Variants in SYT16 observed in about 807,000 individuals in gnomAD.
The protein encoded by SYT16 is synaptotagmin-16.
SYT16 carries 42 observed loss-of-function variants against 61.4 expected under a neutral mutation model. That is an observed-to-expected ratio of 0.68 (90% CI 0.53 to 0.89). The LOEUF (loss-of-function observed/expected upper bound fraction) is 0.89, where lower values mean the gene tolerates loss of function less well. SYT16 is among the 40% of genes least tolerant of loss of function. SYT16 has a pLI of 0.00. For synonymous variants in SYT16, 314 were observed against 302.3 expected, an observed-to-expected ratio of 1.04 and a Z score of -0.40; for missense variants, 804 against 807.3, an observed-to-expected ratio of 1.00 and a Z score of 0.05.
At chr14:61,823,887 A>G (rs2045693712) in intron 1 of SYT16, among the ~76,000 whole-genome samples, 1 of 152,268 alleles carries the variant, frequency 6.6e-6, no homozygotes, top group South Asian at 2.1e-4. Flanking sequence ...AGAGTTTAAA[A>G]TATGAAGCTA....
intron 1 of SYT16, among the ~76,000 whole-genome samples, chr14:61,961,524 G>A (rs2051115527): frequency 6.6e-6 from 1 of 152,094 alleles, no homozygotes; most frequent in South Asian, 2.1e-4. Flanking sequence ...AATGCTCAAT[G>A]TCACTAATCA....
At chr14:62,100,260 C>G (rs2057386779) in intron 7 of SYT16, 134 bp from the exon 8 acceptor site, 1 of 736,466 alleles carries the variant, frequency 1.4e-6, no homozygotes, top group Non-Finnish European at 2.2e-6. Flanking sequence ...CAGCAAGAAC[C>G]AGGCTTAAGG....
intron 3 of SYT16, among the ~76,000 whole-genome samples, chr14:62,051,197 C>T (rs2055274312): frequency 6.6e-6 from 1 of 152,256 alleles, no homozygotes. Flanking sequence ...AGCCTCACTG[C>T]TGCCTTGCAG....
intron 1 of SYT16, among the ~76,000 whole-genome samples, chr14:61,816,620 A>G (rs1253975368): frequency 1.3e-5 from 2 of 152,136 alleles, no homozygotes; most frequent in Non-Finnish European, 2.9e-5. Flanking sequence ...TTTTAAGAGG[A>G]ACAGAATTAT....
At chr14:62,012,725 G>T (rs899939416) in intron 3 of SYT16, among the ~76,000 whole-genome samples, 5 of 152,014 alleles carry the variant, frequency 3.3e-5, no homozygotes, top group African/African-American at 1.2e-4. Flanking sequence ...TTTTTTTTAG[G>T]TGAGGAAATT....
At position 62,101,973 on chromosome 14, in the gene SYT16, T is replaced by C. The variant is rs886683624; in HGVS notation, c.*1266T>C. On this transcript the variant is annotated 3_prime_UTR_variant, in exon 8 of 8. Coordinates refer to ENST00000683842, the MANE Select transcript of SYT16 (RefSeq NM_001367656.1). ...CATGTTTACTTTCCTTATTCATAGG[T>C]CTGGGCCCTTAATTTCAATTACTTT... The C allele has an allele frequency of 3.9e-5, 6 of 152,218 alleles. No individual in the cohort carries two copies. Among genetic ancestry groups the C allele is most frequent in the Non-Finnish European group, 8.8e-5 (6 of 68,018 alleles). The allele number at this position is 152,218 out of a possible 1,614,324, so 9.4% of individuals were successfully genotyped here.
At chr14:61,833,924 A>G (rs1196844037) in intron 1 of SYT16, among the ~76,000 whole-genome samples, 3 of 147,466 alleles carry the variant, frequency 2.0e-5, no homozygotes, top group Non-Finnish European at 3.0e-5. Flanking sequence ...CATAGCCTCT[A>G]AGTCTGAAAC....
intron 1 of SYT16, among the ~76,000 whole-genome samples, chr14:61,814,372 T>C (rs1441760260): frequency 6.6e-6 from 1 of 152,204 alleles, no homozygotes; most frequent in Non-Finnish European, 1.5e-5. Context: ...CCTTATTGTG[T>C]TATTAATGAA....
chr14:62,093,247 AAT>A (rs544518604), intron 7 of SYT16, among the ~76,000 whole-genome samples: 81 of 152,230 alleles, frequency 5.3e-4, no homozygotes, highest in Non-Finnish European at 2.9e-4. Flanking sequence ...CTTTTAAACC[AAT>A]AGAGGGAATA....
intron 1 of SYT16, among the ~76,000 whole-genome samples, chr14:61,937,617 C>T (rs2050033852): frequency 6.6e-6 from 1 of 152,154 alleles, no homozygotes; most frequent in African/African-American, 2.4e-5. Flanking sequence ...CAGGAAGCCC[C>T]ACTTGCCTTT....
intron 3 of SYT16, among the ~76,000 whole-genome samples, chr14:62,048,877 A>C (rs1034414526): frequency 1.3e-5 from 2 of 152,240 alleles, no homozygotes; most frequent in East Asian, 3.9e-4. Flanking sequence ...ACATTTGCTG[A>C]GGAGTACTTT....
intron 3 of SYT16, among the ~76,000 whole-genome samples, chr14:62,050,579 C>A (rs554207118): frequency 3.3e-5 from 5 of 152,218 alleles, no homozygotes; most frequent in Non-Finnish European, 7.4e-5. Flanking sequence ...TTTTCTGCTC[C>A]GTTTTTCCCC....
intron 2 of SYT16, among the ~76,000 whole-genome samples, chr14:61,975,660 C>T (rs2051758277): frequency 6.6e-6 from 1 of 152,146 alleles, no homozygotes; most frequent in South Asian, 2.1e-4. Context: ...CAATTACCTC[C>T]ACCTAGTTTC....
chr14:61,878,168 C>T (rs927051059), intron 1 of SYT16, among the ~76,000 whole-genome samples: 4 of 152,122 alleles, frequency 2.6e-5, no homozygotes, highest in Non-Finnish European at 5.9e-5. Context: ...TTCCTCTTTG[C>T]CTCTTCTTTT....
At chr14:61,838,173 G>C (rs1279421529) in intron 1 of SYT16, among the ~76,000 whole-genome samples, 1 of 152,070 alleles carries the variant, frequency 6.6e-6, no homozygotes, top group Non-Finnish European at 1.5e-5. Context: ...TTCTCTTTTA[G>C]GTCACATTCC....
intron 1 of SYT16, among the ~76,000 whole-genome samples, chr14:61,954,867 T>G (rs1006721489): frequency 1.3e-5 from 2 of 152,140 alleles, no homozygotes; most frequent in Non-Finnish European, 2.9e-5. Flanking sequence ...TTCTAAATGT[T>G]GAATAATAAA....
intron 1 of SYT16, among the ~76,000 whole-genome samples, chr14:61,934,019 A>T (rs1264976930): frequency 6.6e-6 from 1 of 152,164 alleles, no homozygotes; most frequent in Non-Finnish European, 1.5e-5. Flanking sequence ...TCATATATAT[A>T]TATGCACACA....
At chr14:61,832,189 C>T (rs2045960263) in intron 1 of SYT16, 1 of 656,104 alleles carries the variant, frequency 1.5e-6, no homozygotes. Flanking sequence ...TTCTTCACGG[C>T]TTTCTGTCTG....
At chr14:62,068,488 TCTAAC>T (rs2056159199) in intron 3 of SYT16, among the ~76,000 whole-genome samples, 1 of 152,174 alleles carries the variant, frequency 6.6e-6, no homozygotes, top group Admixed American at 6.5e-5. Flanking sequence ...AGTCTACAGA[TCTAAC>T]CTATAAGATG....
Sources: allele counts gnomAD v4.1 joint callset (sites outside exome capture counted in the v4.1 genomes callset), GRCh38; gene constraint gnomAD v4.1.1; transcripts MANE v1.5; gene names NCBI Gene and HGNC (gene_info 2026-07-23, HGNC 2026-07-21).